Variants in CPLX4 observed in about 807,000 individuals in gnomAD.
CPLX4 encodes the protein complexin-4.
A neutral mutation model predicts 16.1 loss-of-function variants in CPLX4; 17 were observed. The ratio of observed to expected loss-of-function variants is 1.06; its 90% CI spans 0.72 to 1.59. The LOEUF is 1.59. Ranked by LOEUF, CPLX4 falls within the 40% of genes most tolerant of loss-of-function variation. The pLI is 0.00. For missense variants in CPLX4, 193 were observed against 192.9 expected, an observed-to-expected ratio of 1.00 and a Z score of 0.00; for synonymous variants, 55 against 57.8, an observed-to-expected ratio of 0.95 and a Z score of 0.22.
chr18:59,307,151 T>G (rs1478347373), intron 2 of CPLX4, among the ~76,000 whole-genome samples: 1 of 152,218 alleles, frequency 6.6e-6, no homozygotes, highest in Non-Finnish European at 1.5e-5. Flanking sequence ...GAAAAAGTCC[T>G]GGATGAAGAG....
chr18:59,296,926 C>G lies in CPLX4; in HGVS notation c.256-1G>C. 1 of 1,603,270 alleles carries G rather than the reference C, an allele frequency of 6.2e-7. No homozygotes were observed. Among genetic ancestry groups the G allele is most frequent in the Non-Finnish European group, 8.5e-7 (1 of 1,177,876 alleles). ...GGATTTGATTCTCATCCATTTCACT[C>G]TATGTGAAAAATAAATAGAGATAGA... On this transcript the variant is annotated splice_acceptor_variant, in intron 2 of 2. Transcript: ENST00000299721. LOFTEE classifies it high-confidence loss of function.
chr18:59,301,145 C>G (rs1034883225), intron 2 of CPLX4, among the ~76,000 whole-genome samples: 11 of 152,220 alleles, frequency 7.2e-5, no homozygotes, highest in Non-Finnish European at 7.3e-5. Flanking sequence ...CTCTCAGGAG[C>G]ACAGATCTGC....
chr18:59,303,921 C>T (rs1360723958), intron 2 of CPLX4, among the ~76,000 whole-genome samples: 1 of 152,204 alleles, frequency 6.6e-6, no homozygotes, highest in Non-Finnish European at 1.5e-5. Flanking sequence ...ACCGCCTGGC[C>T]ACCAGAAACA....
chr18:59,296,533 C>T lies in CPLX4; in HGVS notation c.*165G>A, dbSNP rs1285909463. 2.8e-6 allele frequency: 2 copies of T among 715,068 alleles called. No homozygotes were observed. Among genetic ancestry groups the T allele is most frequent in the Non-Finnish European group, 4.7e-6 (2 of 426,266 alleles). 44.3% of individuals were successfully genotyped at this position (715,068 alleles called of 1,614,324 possible). A position where few individuals can be genotyped will look rare whatever the true frequency, so the allele number is the denominator to read the frequency against. On this transcript the variant is annotated 3_prime_UTR_variant, in exon 3 of 3. Transcript: ENST00000299721. The stretch of plus-strand genomic sequence containing the variant: ...CCCGCTGCAAGGTGTTAGCTAAATG[C>T]TCTGCCAGGAATATTTAGAACAACC...
At chr18:59,304,805 C>T (rs374924226) in intron 2 of CPLX4, among the ~76,000 whole-genome samples, 8 of 152,136 alleles carry the variant, frequency 5.3e-5, no homozygotes, top group South Asian at 2.1e-4. Context: ...CTCCTGACCT[C>T]GTGATCTGCC....
chr18:59,317,950 G>T (rs969958119), intron 1 of CPLX4, among the ~76,000 whole-genome samples: 3 of 151,824 alleles, frequency 2.0e-5, no homozygotes, highest in African/African-American at 7.3e-5. Flanking sequence ...GTGAAGTTTA[G>T]AAAGAATGTA....
At chr18:59,311,669 C>A (rs537407804) in intron 2 of CPLX4, among the ~76,000 whole-genome samples, 27 of 152,242 alleles carry the variant, frequency 1.8e-4, no homozygotes, top group African/African-American at 5.1e-4. Context: ...AATTGAATAA[C>A]CAGCTCAGAA....
At chr18:59,304,125 C>T (rs1240980775) in intron 2 of CPLX4, among the ~76,000 whole-genome samples, 2 of 152,152 alleles carry the variant, frequency 1.3e-5, no homozygotes, top group African/African-American at 2.4e-5. Context: ...TTAAGTTTCT[C>T]CTATATGCAT....
At chr18:59,313,870 G>A (rs1371762813) in intron 1 of CPLX4, among the ~76,000 whole-genome samples, 1 of 152,224 alleles carries the variant, frequency 6.6e-6, no homozygotes, top group East Asian at 1.9e-4. Context: ...AGGCCCACGT[G>A]AGGCCTGATG....
chr18:59,304,109 ACT>A (rs576671312), intron 2 of CPLX4, among the ~76,000 whole-genome samples: 137 of 152,254 alleles, frequency 9.0e-4, no homozygotes, highest in African/African-American at 3.1e-3. Flanking sequence ...TTTAAAGAAA[ACT>A]CTGTTAAGTT....
At chr18:59,314,622 A>T (rs2070640476) in intron 1 of CPLX4, among the ~76,000 whole-genome samples, 1 of 151,992 alleles carries the variant, frequency 6.6e-6, no homozygotes, top group Non-Finnish European at 1.5e-5. Context: ...AGAAAACATT[A>T]CTCTCACCTG....
In CPLX4 at chr18:59,318,355, T is replaced by C. The variant is rs2070664787; in HGVS notation, c.108A>G (p.Ala36=). The change falls in exon 1 of 3, where the codon GCA becomes GCG. Residue 36 remains alanine (A), a synonymous_variant. Transcript: ENST00000299721. ...KEEGGASDPA[A]AQGMTREEYE... Reference sequence around the variant, plus strand: ...ACTCCTCTCTAGTCATCCCTTGAGCTGCTGCAGGATCAGATGCACCTCCTT... The same window carrying C: ...ACTCCTCTCTAGTCATCCCTTGAGCCGCTGCAGGATCAGATGCACCTCCTT... The C allele has an allele frequency of 2.5e-6, 4 of 1,613,974 alleles. No individual in the cohort carries two copies. The highest frequency in any genetic ancestry group is 3.4e-6 in the Non-Finnish European group (4 of 1,179,898).
intron 2 of CPLX4, among the ~76,000 whole-genome samples, chr18:59,310,758 G>C (rs1054099242): frequency 1.3e-5 from 2 of 152,072 alleles, no homozygotes; most frequent in African/African-American, 4.8e-5. Context: ...GGATACTGAG[G>C]CTCAGATTTT....
At chr18:59,312,600 GAA>G in intron 2 of CPLX4, 83 bp downstream of exon 2, 1 of 514,208 alleles carries the variant, frequency 1.9e-6, no homozygotes, top group South Asian at 3.1e-5. Flanking sequence ...TCATATTCAG[GAA>G]CATGATCCTT....
chr18:59,302,630 G>T (rs183183691), intron 2 of CPLX4, among the ~76,000 whole-genome samples: 28 of 152,258 alleles, frequency 1.8e-4, no homozygotes, highest in African/African-American at 6.5e-4. Context: ...TTATCTTTAT[G>T]GCCAGTGCTG....
At chr18:59,310,812 T>A (rs2070611533) in intron 2 of CPLX4, among the ~76,000 whole-genome samples, 2 of 152,086 alleles carry the variant, frequency 1.3e-5, no homozygotes, top group African/African-American at 4.8e-5. Flanking sequence ...CAGATATTTT[T>A]AAAAACCATG....
At chr18:59,304,709 T>C (rs2070563883) in intron 2 of CPLX4, among the ~76,000 whole-genome samples, 1 of 152,016 alleles carries the variant, frequency 6.6e-6, no homozygotes, top group South Asian at 2.1e-4. Flanking sequence ...GTAGCTGGGA[T>C]TACAGGCATG....
At chr18:59,306,309 T>C (rs948255794) in intron 2 of CPLX4, among the ~76,000 whole-genome samples, 1 of 152,242 alleles carries the variant, frequency 6.6e-6, no homozygotes, top group African/African-American at 2.4e-5. Flanking sequence ...TGATGACCTA[T>C]AATTTGACAA....
chr18:59,317,009 A>T (rs188430425), intron 1 of CPLX4, among the ~76,000 whole-genome samples: 1 of 152,262 alleles, frequency 6.6e-6, no homozygotes, highest in Admixed American at 6.5e-5. Context: ...TCTTTTGCCC[A>T]AGTCTTAGCA....
Sources: gnomAD v4.1 joint callset for allele counts (sites outside exome capture counted in the v4.1 genomes callset) on GRCh38, gnomAD v4.1.1 for gene constraint, MANE v1.5 for transcripts, NCBI Gene and HGNC (gene_info 2026-07-23, HGNC 2026-07-21) for gene names.